SCN2A: variants seen among roughly 807,000 people sequenced by gnomAD.
SCN2A encodes the protein sodium channel protein type 2 subunit alpha.
A neutral mutation model predicts 188.7 loss-of-function variants in SCN2A; 20 were observed. The observed-to-expected ratio is 0.11, with a 90% CI of 0.07 to 0.15. The LOEUF is 0.15. Ranked by LOEUF, SCN2A falls within the 10% of genes least tolerant of loss-of-function variation. The probability of loss-of-function intolerance (pLI) is 1.00; values close to 1 mark genes in which losing one functional copy is unlikely to be tolerated. For synonymous variants in SCN2A, 804 were observed against 833.1 expected, an observed-to-expected ratio of 0.97 and a Z score of 0.60; for missense variants, 1,278 against 2,445.0, an observed-to-expected ratio of 0.52 and a Z score of 10.07.
chr2:165,309,920 C>A (rs538234095), intron 6 of SCN2A, among the ~76,000 whole-genome samples: 1 of 152,260 alleles, frequency 6.6e-6, no homozygotes, highest in South Asian at 2.1e-4. Flanking sequence ...CCTCATAATT[C>A]ATCGACTTCA....
At chr2:165,305,715 C>A (rs567248364) in intron 3 of SCN2A, among the ~76,000 whole-genome samples, 1 of 152,062 alleles carries the variant, frequency 6.6e-6, no homozygotes. Context: ...AGTGACAAAA[C>A]GTGAAGATGT....
chr2:165,247,976 C>T (rs1023898472), intron 1 of SCN2A, among the ~76,000 whole-genome samples: 1 of 152,110 alleles, frequency 6.6e-6, no homozygotes, highest in African/African-American at 2.4e-5. Flanking sequence ...ACTCTAGTAT[C>T]ATCCTTGATT....
intron 1 of SCN2A, among the ~76,000 whole-genome samples, chr2:165,246,152 C>T (rs1461144217): frequency 1.3e-5 from 2 of 152,116 alleles, no homozygotes; most frequent in Admixed American, 1.3e-4. Flanking sequence ...AATATGGATT[C>T]AAATTATTTC....
At chr2:165,369,066 C>T (rs1700884506) in intron 19 of SCN2A, among the ~76,000 whole-genome samples, 2 of 152,060 alleles carry the variant, frequency 1.3e-5, no homozygotes, top group Admixed American at 1.3e-4. Context: ...GCTGGGATTA[C>T]AGGTGTGAGC....
chr2:165,313,494 A>T lies in SCN2A; in HGVS notation c.1035-126A>T. 5 of 949,702 alleles carry T rather than the reference A, an allele frequency of 5.3e-6. No individual in the cohort carries two copies. The South Asian group carries it at 6.7e-5, about 13-fold the overall frequency. 58.8% of individuals were successfully genotyped at this position (949,702 alleles called of 1,614,324 possible). On this transcript the variant is annotated intron_variant, in intron 8 of 26. Coordinates refer to ENST00000375437, the MANE Select transcript of SCN2A (RefSeq NM_001040142.2). ...TTAGTGCTGAGTTAAGTACTGGGTAAGGTGAGAGAAATCGGCTTTTTTCTA... is the reference window on the plus strand; with the variant it reads ...TTAGTGCTGAGTTAAGTACTGGGTATGGTGAGAGAAATCGGCTTTTTTCTA...
chr2:165,342,275 T>G, intron 14 of SCN2A, 21 bp from the exon 15 acceptor site: 1 of 1,606,306 alleles, frequency 6.2e-7, no homozygotes, highest in Non-Finnish European at 8.5e-7. Flanking sequence ...GCTCATATAA[T>G]GAACTACACT....
chr2:165,272,845 CAT>C (rs1295576767), intron 1 of SCN2A: 1 of 151,518 alleles, frequency 6.6e-6, no homozygotes, highest in Non-Finnish European at 1.5e-5. Context: ...TAGAATACAA[CAT>C]GTTAGGAATC....
chr2:165,280,593 G>T (rs562731928), intron 1 of SCN2A, among the ~76,000 whole-genome samples: 37 of 152,256 alleles, frequency 2.4e-4, no homozygotes, highest in African/African-American at 8.7e-4. Context: ...AGCGAAGACT[G>T]ACTATTGCAG....
Position 165,327,577 on chromosome 2 carries a change from A to AGCT in SCN2A, c.2149+594_2149+596dup, listed in dbSNP as rs557761613. 4.4e-3 allele frequency: 688 copies of AGCT among 155,018 alleles called. 2 individuals carry two copies. Among genetic ancestry groups the AGCT allele is most frequent in the Non-Finnish European group, 7.2e-3 (504 of 69,872 alleles). The allele number at this position is 155,018 out of a possible 1,614,324, so 9.6% of individuals were successfully genotyped here. A position where few individuals can be genotyped will look rare whatever the true frequency, so the allele number is the denominator to read the frequency against. ...ATGCCAAAATAAAGACTTTGGGGAC[A>AGCT]GCTTAATCTGTGATCAATTTCTGGC... On this transcript the variant is annotated intron_variant, in intron 13 of 26. Coordinates refer to ENST00000375437, the MANE Select transcript of SCN2A (RefSeq NM_001040142.2).
intron 25 of SCN2A, among the ~76,000 whole-genome samples, chr2:165,383,418 G>A (rs1051504320): frequency 6.6e-6 from 1 of 152,154 alleles, no homozygotes; most frequent in East Asian, 1.9e-4. Flanking sequence ...CTGGAGTGCA[G>A]AAAGTCAAGG....
intron 26 of SCN2A, among the ~76,000 whole-genome samples, chr2:165,388,387 A>G (rs1036843365): frequency 2.0e-5 from 3 of 152,008 alleles, no homozygotes; most frequent in Non-Finnish European, 4.4e-5. Context: ...CATTTTTTTG[A>G]TAGATGCTTT....
chr2:165,325,333 AT>A (rs1698298042), intron 12 of SCN2A, among the ~76,000 whole-genome samples: 2 of 152,144 alleles, frequency 1.3e-5, no homozygotes, highest in African/African-American at 4.8e-5. Flanking sequence ...TCATTCTTTA[AT>A]CTTACAATCT....
At chr2:165,272,229 A>C (rs1353757063) in intron 1 of SCN2A, 1 of 152,140 alleles carries the variant, frequency 6.6e-6, no homozygotes, top group Non-Finnish European at 1.5e-5. Flanking sequence ...AATATCAAAA[A>C]AGTAGATTTT....
intron 7 of SCN2A, chr2:165,310,843 G>T (rs187377794): frequency 2.7e-5 from 6 of 225,644 alleles, no homozygotes; most frequent in Non-Finnish European, 3.4e-5. Context: ...TTCATATTAT[G>T]CCATATTAAA....
At chr2:165,370,079 GA>G (rs1700947126) in intron 19 of SCN2A, 46 bp from the exon 20 acceptor site, 4 of 1,527,008 alleles carry the variant, frequency 2.6e-6, no homozygotes, top group Non-Finnish European at 3.6e-6. Context: ...TCATCAATTA[GA>G]GACTGTTTCT....
At chr2:165,346,718 G>A (rs900145644) in intron 16 of SCN2A, among the ~76,000 whole-genome samples, 14 of 152,144 alleles carry the variant, frequency 9.2e-5, no homozygotes, top group Admixed American at 9.2e-4. Flanking sequence ...CTAATATCCA[G>A]AATCTACAAA....
chr2:165,357,340 A>G (rs1352385386), intron 17 of SCN2A, among the ~76,000 whole-genome samples: 1 of 152,160 alleles, frequency 6.6e-6, no homozygotes, highest in African/African-American at 2.4e-5. Context: ...AAATATCACA[A>G]AGTAGTAAGA....
At chr2:165,358,718 C>A (rs1700302715) in intron 17 of SCN2A, among the ~76,000 whole-genome samples, 1 of 151,938 alleles carries the variant, frequency 6.6e-6, no homozygotes, top group Non-Finnish European at 1.5e-5. Flanking sequence ...TTTATTGAGA[C>A]CTGCTGGAAA....
At chr2:165,298,394 G>A (rs1696619848) in intron 3 of SCN2A, among the ~76,000 whole-genome samples, 1 of 152,126 alleles carries the variant, frequency 6.6e-6, no homozygotes, top group Admixed American at 6.5e-5. Flanking sequence ...CCCTAGACTT[G>A]CCTCCCAGTA....
Sources: allele counts gnomAD v4.1 joint callset (sites outside exome capture counted in the v4.1 genomes callset), GRCh38; gene constraint gnomAD v4.1.1; transcripts MANE v1.5; gene names NCBI Gene and HGNC (gene_info 2026-07-23, HGNC 2026-07-21).